The following AFF4 variants were observed in gnomAD, a reference collection of about 807,000 sequenced individuals.
AFF4 encodes ALF transcription elongation factor 4.
AFF4 carries 13 observed loss-of-function variants against 124.8 expected under a neutral mutation model. The ratio of observed to expected loss-of-function variants is 0.10; its 90% CI spans 0.07 to 0.17. The LOEUF is 0.17. Among genes scored for constraint, AFF4 ranks in the 10% least tolerant of loss-of-function variants. The pLI is 1.00. For missense variants in AFF4, 1,092 were observed against 1,403.8 expected (o/e 0.78, Z 3.55); for synonymous variants, 477 against 496.1 (o/e 0.96, Z 0.51).
At position 132,963,622 on chromosome 5, in the gene AFF4, G is replaced by T. The variant is rs1056957498; in HGVS notation, c.-368C>A. ...ACGGCAGCTGGACTCCTGCAGCCAGGGCTGTGACTGACGCAGCGGCCGTGC... is the reference window on the plus strand; with the variant it reads ...ACGGCAGCTGGACTCCTGCAGCCAGTGCTGTGACTGACGCAGCGGCCGTGC... On this transcript the variant is annotated 5_prime_UTR_variant, in exon 1 of 21. Transcript: ENST00000265343. The T allele has an allele frequency of 5.0e-6, 2 of 397,068 alleles. No individual in the cohort carries two copies. Among genetic ancestry groups the T allele is most frequent in the Non-Finnish European group, 8.9e-6 (2 of 225,264 alleles). The allele number at this position is 397,068 out of a possible 1,614,324, so 24.6% of individuals were successfully genotyped here.
intron 14 of AFF4, 21 bp downstream of exon 14, chr5:132,889,058 C>CA: frequency 2.5e-6 from 4 of 1,587,624 alleles, no homozygotes; most frequent in Non-Finnish European, 3.5e-6. Context: ...AATACAGATA[C>CA]AAAAAATCAT....
At position 132,884,961 on chromosome 5, in the gene AFF4, C is replaced by G. The variant is rs1429083848; in HGVS notation, c.3143+115G>C. 4 of 621,422 alleles carry G rather than the reference C, an allele frequency of 6.4e-6. No individual in the cohort carries two copies. In the African/African-American group the frequency reaches 7.7e-5, roughly 12 times the overall value. The allele number at this position is 621,422 out of a possible 1,614,324, so 38.5% of individuals were successfully genotyped here. A position where few individuals can be genotyped will look rare whatever the true frequency, so the allele number is the denominator to read the frequency against. On this transcript the variant is annotated intron_variant, in intron 19 of 20. Coordinates refer to ENST00000265343, the MANE Select transcript of AFF4 (RefSeq NM_014423.4). ...ATTATAACTTCTAAAAATATTTTAT[C>G]AGAGATGGTTTTACTTATTTAAAAA...
chr5:132,901,375 G>C (rs1760547969), intron 7 of AFF4, among the ~76,000 whole-genome samples: 1 of 152,098 alleles, frequency 6.6e-6, no homozygotes, highest in African/African-American at 2.4e-5. Context: ...CAGTGAAGGG[G>C]GTACTTCTTG....
At chr5:132,891,114 G>C (rs1193732970) in intron 13 of AFF4, among the ~76,000 whole-genome samples, 2 of 151,906 alleles carry the variant, frequency 1.3e-5, no homozygotes, top group South Asian at 2.1e-4. Context: ...GATGGGAAAT[G>C]GAGAAAAACC....
intron 3 of AFF4, among the ~76,000 whole-genome samples, 182 bp from the exon 4 acceptor site, chr5:132,932,404 A>C (rs973672201): frequency 1.3e-5 from 2 of 152,244 alleles, no homozygotes; most frequent in Non-Finnish European, 2.9e-5. Context: ...AATTTTAATC[A>C]CCAAACTATA....
At chr5:132,954,531 G>T (rs974304041) in intron 1 of AFF4, among the ~76,000 whole-genome samples, 7 of 147,746 alleles carry the variant, frequency 4.7e-5, no homozygotes, top group Non-Finnish European at 1.0e-4. Context: ...GAGGGTGTGT[G>T]TTACAAACAA....
At chr5:132,928,475 T>C (rs1473789650) in intron 4 of AFF4, among the ~76,000 whole-genome samples, 3 of 152,192 alleles carry the variant, frequency 2.0e-5, no homozygotes, top group Admixed American at 6.5e-5. Context: ...AAAACAATTA[T>C]GTAATCTTCC....
At chr5:132,916,424 G>T (rs183594624) in intron 5 of AFF4, among the ~76,000 whole-genome samples, 9 of 151,714 alleles carry the variant, frequency 5.9e-5, no homozygotes, top group Non-Finnish European at 1.2e-4. Context: ...AAAATCAAGA[G>T]TTGCTTAAGC....
rs1581321133 is a variant in AFF4 at position 132,936,932 on chromosome 5, T to C, written c.123+135A>G. The C allele has an allele frequency of 1.1e-5, 13 of 1,196,022 alleles. No homozygotes were observed. The East Asian group carries it at 1.3e-4, about 12-fold the overall frequency. 74.1% of individuals were successfully genotyped at this position (1,196,022 alleles called of 1,614,324 possible). A position where few individuals can be genotyped will look rare whatever the true frequency, so the allele number is the denominator to read the frequency against. ...GTTTATCCCCAAAAAATATCTTCTA[T>C]GTAAAGGACAGGAAAAAAATGTTAA... is the stretch of plus-strand genomic sequence containing the variant. On this transcript the variant is annotated intron_variant, in intron 2 of 20. Transcript: ENST00000265343.
chr5:132,953,878 C>T (rs578200129), intron 1 of AFF4, among the ~76,000 whole-genome samples: 4 of 152,278 alleles, frequency 2.6e-5, no homozygotes, highest in African/African-American at 7.2e-5. Flanking sequence ...ATATGCCATA[C>T]GGCAGCCAAA....
At chr5:132,928,221 A>C (rs567604702) in intron 4 of AFF4, among the ~76,000 whole-genome samples, 32 of 152,198 alleles carry the variant, frequency 2.1e-4, no homozygotes, top group African/African-American at 7.5e-4. Context: ...ATATTTAAAA[A>C]AAAACAAAAA....
At position 132,896,749 on chromosome 5, in the gene AFF4, T is replaced by C; in HGVS notation, c.1881A>G (p.Lys627=). ...SKSSPRPTAE[K]KKYKSTSKSS... ...ATTTACTTGTTGACTTATATTTCTT[T>C]TTCTCTGCTGTAGGTCGAGGGGAAG... Residue 627 remains lysine (K), a synonymous_variant, in exon 11 of 21, where the codon AAA becomes AAG. Coordinates refer to ENST00000265343, the MANE Select transcript of AFF4 (RefSeq NM_014423.4). The C allele has an allele frequency of 1.2e-6, 2 of 1,614,184 alleles. No homozygotes were observed. Among genetic ancestry groups the C allele is most frequent in the Non-Finnish European group, 1.7e-6 (2 of 1,180,034 alleles).
At chr5:132,927,264 G>A in intron 4 of AFF4, 57 bp from the exon 5 acceptor site, 8 of 1,437,352 alleles carry the variant, frequency 5.6e-6, no homozygotes, top group Non-Finnish European at 7.7e-6. Flanking sequence ...AAATTATACA[G>A]CTAAAAACCA....
At position 132,879,161 on chromosome 5, in the gene AFF4, AAAC is replaced by A; in HGVS notation, c.*1895_*1897del. ...CATCTCAATCTTCAATGACATCTAA[AAAC>A]AATCTGAGGTACAAAACAGTTAAGA... is the stretch of plus-strand genomic sequence containing the variant. On this transcript the variant is annotated 3_prime_UTR_variant, in exon 21 of 21. Coordinates refer to ENST00000265343, the MANE Select transcript of AFF4 (RefSeq NM_014423.4). 4.6e-6 allele frequency: 1 copy of A among 219,766 alleles called. No homozygotes were observed. The allele number at this position is 219,766 out of a possible 1,614,324, so 13.6% of individuals were successfully genotyped here.
Position 132,897,105 on chromosome 5 carries a change from G to C in AFF4, c.1525C>G (p.Gln509Glu), listed in dbSNP as rs1427990442. The change falls in exon 11 of 21, where the codon CAG (glutamine) becomes GAG (glutamate). Residue 509 changes from glutamine (Q) to glutamate (E), a missense_variant. Around this residue, in one of 11 missense-constraint regions of AFF4, gnomAD observed 174 missense variants for 205.9 expected, o/e 0.84. Coordinates refer to ENST00000265343, the MANE Select transcript of AFF4 (RefSeq NM_014423.4). ...SQGYKKEGRE[Q>E]GTGNSYTDTS... Reference sequence around the variant, plus strand: ...TCAGTGTAGCTATTCCCAGTGCCCTGCTCTCGGCCTTCCTTTTTGTAGCCT... The same window carrying C: ...TCAGTGTAGCTATTCCCAGTGCCCTCCTCTCGGCCTTCCTTTTTGTAGCCT... 3 of 1,614,168 alleles carry C rather than the reference G, an allele frequency of 1.9e-6. No homozygotes were observed.
chr5:132,932,683 G>A (rs541385587), intron 3 of AFF4, among the ~76,000 whole-genome samples: 2 of 152,130 alleles, frequency 1.3e-5, no homozygotes, highest in African/African-American at 4.8e-5. Context: ...TAACTCCTAC[G>A]AGCTTAGCAT....
rs976108709 is a variant in AFF4, at chr5:132,877,333, T to A, written c.*3726A>T. 3.3e-5 allele frequency: 7 copies of A among 213,400 alleles called. No homozygotes were observed. The highest frequency in any genetic ancestry group is 1.4e-4 in the African/African-American group (6 of 44,240). The allele number at this position is 213,400 out of a possible 1,614,324, so 13.2% of individuals were successfully genotyped here. A position where few individuals can be genotyped will look rare whatever the true frequency, so the allele number is the denominator to read the frequency against. ...GCTCAAATACATTTTAAAAGTTAATTTACTACAAATCATAGTAATTAAGCT... is the reference window on the plus strand; with the variant it reads ...GCTCAAATACATTTTAAAAGTTAATATACTACAAATCATAGTAATTAAGCT... On this transcript the variant is annotated 3_prime_UTR_variant, in exon 21 of 21. Coordinates refer to ENST00000265343, the MANE Select transcript of AFF4 (RefSeq NM_014423.4).
At chr5:132,962,778 CA>C (rs776830087) in intron 1 of AFF4, among the ~76,000 whole-genome samples, 4 of 149,612 alleles carry the variant, frequency 2.7e-5, no homozygotes, top group Admixed American at 6.7e-5. Flanking sequence ...ATCCCCTTCG[CA>C]AGTCGAAGGC....
chr5:132,885,095 G>A lies in AFF4; in HGVS notation c.3124C>T (p.Pro1042Ser). The A allele has an allele frequency of 6.3e-7, 1 of 1,595,718 alleles. No homozygotes were observed. Among genetic ancestry groups the A allele is most frequent in the South Asian group, 1.2e-5 (1 of 86,772 alleles). ...LKNSYNNSQA[P>S]SPGLGSKAVG... ...ACCTACCTTCCCAAGCCAGGCGATG[G>A]TGCTTGAGAATTATTATAAGAATTC... Residue 1042 changes from proline to serine, a missense_variant, in exon 19 of 21, where the codon CCA (proline) becomes TCA (serine). This residue lies in a region of AFF4 where 173 missense variants were observed against 294.9 expected (regional missense o/e 0.59). Transcript: ENST00000265343.
Sources: gnomAD v4.1 joint callset for allele counts (sites outside exome capture counted in the v4.1 genomes callset) on GRCh38, gnomAD v4.1.1 for gene constraint, gnomAD v4.1.1 regional missense constraint, MANE v1.5 for transcripts, NCBI Gene and HGNC (gene_info 2026-07-23, HGNC 2026-07-21) for gene names.